The following PDE1A variants were observed in gnomAD, a reference collection of about 807,000 sequenced individuals.
The protein encoded by PDE1A is dual specificity calcium/calmodulin-dependent 3',5'-cyclic nucleotide phosphodiesterase 1A.
A neutral mutation model predicts 61.7 loss-of-function variants in PDE1A; 35 were observed. That is an observed-to-expected ratio of 0.57 (90% confidence interval 0.43 to 0.75). The LOEUF is 0.75. PDE1A is among the 30% of genes least tolerant of loss of function. The pLI, the probability that PDE1A is intolerant of heterozygous loss-of-function variation, is 0.00. For missense variants in PDE1A, 597 were observed against 630.6 expected (o/e 0.95, Z 0.57); for synonymous variants, 232 against 213.2 (o/e 1.09, Z -0.77).
At chr2:182,551,906 A>AG in the PDE1A span, among the ~76,000 whole-genome samples, 1 of 152,094 alleles carries the variant, frequency 6.6e-6, no homozygotes, top group Non-Finnish European at 1.5e-5. Flanking sequence ...TCTTTCAAGA[A>AG]GGGGGAGTTT....
chr2:182,593,137 G>T, the PDE1A span, among the ~76,000 whole-genome samples: 1 of 152,202 alleles, frequency 6.6e-6, no homozygotes, highest in African/African-American at 2.4e-5. Context: ...GAAAAAGACT[G>T]GGCACAAGTG....
chr2:182,304,870 A>G (rs1422413851), intron 1 of PDE1A, among the ~76,000 whole-genome samples: 4 of 152,224 alleles, frequency 2.6e-5, no homozygotes, highest in Non-Finnish European at 5.9e-5. Flanking sequence ...CTAAAATATC[A>G]CACAGAGACA....
downstream of PDE1A, among the ~76,000 whole-genome samples, chr2:182,145,030 C>T (rs1176860052): frequency 6.6e-6 from 1 of 152,164 alleles, no homozygotes; most frequent in Non-Finnish European, 1.5e-5. Context: ...AGTTGCCAAT[C>T]GTCACCCCTC....
chr2:182,679,571 G>A, the PDE1A span, among the ~76,000 whole-genome samples: 1 of 151,760 alleles, frequency 6.6e-6, no homozygotes, highest in Non-Finnish European at 1.5e-5. Context: ...CCACAAATAT[G>A]TACAATTATT....
chr2:182,375,291 G>A (rs7585752), intron 1 of PDE1A, among the ~76,000 whole-genome samples: 95,872 of 152,050 alleles, frequency 0.63, 30,749 homozygotes, highest in East Asian at 0.96. Context: ...GAGACAAGCA[G>A]GTCCCTTCCA....
chr2:182,567,550 A>C, the PDE1A span, among the ~76,000 whole-genome samples: 1 of 152,222 alleles, frequency 6.6e-6, no homozygotes, highest in African/African-American at 2.4e-5. Flanking sequence ...ACAACAAACA[A>C]AATCTCTTTA....
chr2:182,658,908 C>T, the PDE1A span, among the ~76,000 whole-genome samples: 1 of 152,112 alleles, frequency 6.6e-6, no homozygotes, highest in South Asian at 2.1e-4. Context: ...AATCTTTTTT[C>T]CCATTTTGAA....
chr2:182,531,148 TA>T, the PDE1A span, among the ~76,000 whole-genome samples: 1 of 151,346 alleles, frequency 6.6e-6, no homozygotes, highest in Non-Finnish European at 1.5e-5. Context: ...AAAATACAGA[TA>T]TAGATGAATC....
the PDE1A span, among the ~76,000 whole-genome samples, chr2:182,610,397 T>C: frequency 1.3e-5 from 2 of 152,152 alleles, no homozygotes; most frequent in African/African-American, 4.8e-5. Context: ...AAAGGGAAAG[T>C]CCTCCCTCAG....
chr2:182,258,797 C>T (rs185476595), intron 2 of PDE1A, among the ~76,000 whole-genome samples: 35 of 152,250 alleles, frequency 2.3e-4, no homozygotes, highest in Non-Finnish European at 2.5e-4. Flanking sequence ...CATTCTTACC[C>T]CATGTTACTC....
intron 3 of PDE1A, among the ~76,000 whole-genome samples, chr2:182,239,600 A>G (rs1690337190): frequency 2.3e-5 from 2 of 86,492 alleles, no homozygotes; most frequent in African/African-American, 1.1e-4. Flanking sequence ...CTTCAGTGAC[A>G]GAAATGTTGA....
chr2:182,201,839 G>T, intron 8 of PDE1A, 50 bp from the exon 9 acceptor site: 3 of 1,117,948 alleles, frequency 2.7e-6, no homozygotes, highest in Non-Finnish European at 4.0e-6. Context: ...TTATTGTTCT[G>T]AAGTGGAACA....
chr2:182,414,349 T>A (rs1702793577), intron 1 of PDE1A, among the ~76,000 whole-genome samples: 1 of 152,124 alleles, frequency 6.6e-6, no homozygotes, highest in African/African-American at 2.4e-5. Flanking sequence ...AAATGTGGAA[T>A]TCCAGACCCC....
chr2:182,168,874 G>A (rs187810283), intron 13 of PDE1A, among the ~76,000 whole-genome samples: 8 of 151,996 alleles, frequency 5.3e-5, no homozygotes, highest in East Asian at 1.9e-4. Flanking sequence ...ATTACAGACC[G>A]GAAGGGCTAA....
chr2:182,484,022 AATTC>A (rs1169263657), intron 2 of PDE1A, among the ~76,000 whole-genome samples: 1 of 151,944 alleles, frequency 6.6e-6, no homozygotes, highest in African/African-American at 2.4e-5. Context: ...GAAATGGACA[AATTC>A]ATTAAAAGAT....
intron 2 of PDE1A, among the ~76,000 whole-genome samples, chr2:182,493,256 G>C (rs1275794261): frequency 6.9e-6 from 1 of 144,230 alleles, no homozygotes; most frequent in East Asian, 2.0e-4. Flanking sequence ...TGGAGAGACA[G>C]TGTCTTACTA....
chr2:182,315,026 C>T (rs1006787886), intron 1 of PDE1A, among the ~76,000 whole-genome samples: 2 of 152,046 alleles, frequency 1.3e-5, no homozygotes, highest in African/African-American at 2.4e-5. Flanking sequence ...CTTAGCTAGA[C>T]CCTGAATTTT....
the PDE1A span, among the ~76,000 whole-genome samples, chr2:182,564,856 G>C: frequency 6.6e-6 from 1 of 152,054 alleles, no homozygotes; most frequent in Admixed American, 6.6e-5. Flanking sequence ...GGCTCCTGAG[G>C]CTTCTGCATT....
downstream of PDE1A, chr2:182,147,011 T>A (rs1177101587): frequency 9.8e-7 from 1 of 1,023,058 alleles, no homozygotes; most frequent in Non-Finnish European, 1.5e-6. Context: ...AGAAGTTAAG[T>A]TTCTGGTCTA....
Sources: allele counts gnomAD v4.1 joint callset (sites outside exome capture counted in the v4.1 genomes callset), GRCh38; gene constraint gnomAD v4.1.1; transcripts MANE v1.5; gene names NCBI Gene and HGNC (gene_info 2026-07-23, HGNC 2026-07-21).